SUMF1: variants seen among roughly 807,000 people sequenced by gnomAD.
SUMF1 encodes the protein sulfatase modifying factor 1, also known as formylglycine-generating enzyme.
In SUMF1, 48 loss-of-function variants were observed where a neutral mutation model predicts 47.6. That is an observed-to-expected ratio of 1.01 (90% confidence interval 0.80 to 1.28). SUMF1 has a LOEUF of 1.28. SUMF1 is among the 50% of genes most tolerant of loss of function. SUMF1 has a pLI of 0.00. For synonymous variants in SUMF1, 230 were observed against 192.1 expected (o/e 1.20, Z -1.63); for missense variants, 571 against 485.4 (o/e 1.18, Z -1.66).
chr3:4,054,177 T>A (rs1695156924), intron 9 of SUMF1, among the ~76,000 whole-genome samples: 1 of 148,482 alleles, frequency 6.7e-6, no homozygotes, highest in Non-Finnish European at 1.5e-5. Context: ...AAATAACTTT[T>A]AAATAAATGA....
chr3:4,384,773 C>T (rs1299068964), intron 7 of SUMF1, among the ~76,000 whole-genome samples: 2 of 151,984 alleles, frequency 1.3e-5, no homozygotes, highest in African/African-American at 2.4e-5. Flanking sequence ...TTGGCTATTA[C>T]GAATAAAGAT....
In SUMF1 at chr3:4,454,236, A is replaced by G. The variant is rs113163242; in HGVS notation, c.271-1187T>C. Among the ~76,000 whole-genome samples the G allele has an allele frequency of 3.2e-3, 493 of 152,320 alleles. 2 individuals carry two copies. The highest frequency in any genetic ancestry group is 0.017 in the Middle Eastern group (5 of 294). ...CATGAACTCTAAACTCCAAGAAGACAGCAATTGGGGCTGCCTTATTCACAG... is the reference window on the plus strand; with the variant it reads ...CATGAACTCTAAACTCCAAGAAGACGGCAATTGGGGCTGCCTTATTCACAG... On this transcript the variant is annotated intron_variant, in intron 1 of 8. Transcript: ENST00000272902.
intron 8 of SUMF1, among the ~76,000 whole-genome samples, chr3:4,269,540 T>C (rs1697264634): frequency 6.6e-6 from 1 of 152,212 alleles, no homozygotes; most frequent in Non-Finnish European, 1.5e-5. Context: ...CAAAGTGCCA[T>C]ATTCCAAATT....
intron 8 of SUMF1, among the ~76,000 whole-genome samples, chr3:4,089,490 T>C (rs1456948422): frequency 6.6e-6 from 1 of 152,170 alleles, no homozygotes; most frequent in Non-Finnish European, 1.5e-5. Flanking sequence ...TCAGGTCTTA[T>C]TCTTTGAAAT....
chr3:4,360,240 C>G (rs1410261517), downstream of SUMF1, among the ~76,000 whole-genome samples: 2 of 120,600 alleles, frequency 1.7e-5, no homozygotes, highest in African/African-American at 6.8e-5. Flanking sequence ...GATTAATCAT[C>G]AGTAGGTGGA....
chr3:4,406,475 G>T (rs1370206107), intron 7 of SUMF1, among the ~76,000 whole-genome samples: 2 of 151,978 alleles, frequency 1.3e-5, no homozygotes, highest in African/African-American at 4.8e-5. Context: ...AGCCAACATG[G>T]TAAAGCCCCG....
intron 8 of SUMF1, among the ~76,000 whole-genome samples, chr3:4,080,456 A>G (rs1692534869): frequency 6.6e-6 from 1 of 151,312 alleles, no homozygotes; most frequent in Non-Finnish European, 1.5e-5. Context: ...ACTTGAACCA[A>G]CTCTTCTTTT....
At position 4,122,731 on chromosome 3, in the gene SUMF1, A is replaced by G. The variant is rs887798180; in HGVS notation, c.1015-53986T>C. Among the ~76,000 whole-genome samples the G allele has an allele frequency of 3.9e-5, 6 of 152,204 alleles. No homozygotes were observed. In the South Asian group the frequency reaches 8.3e-4, roughly 21 times the overall value. ...ACTAAAATCTGTTGAGAAGGACTTA[A>G]GTGGCTGTGATGTGGTTAACTAGTA... On this transcript the variant is annotated intron_variant and NMD_transcript_variant, in intron 8 of 12. Transcript: ENST00000448413.
At chr3:4,066,489 T>C (rs1479348389) in intron 9 of SUMF1, among the ~76,000 whole-genome samples, 1 of 152,142 alleles carries the variant, frequency 6.6e-6, no homozygotes, top group African/African-American at 2.4e-5. Context: ...ATTTGTCTTA[T>C]CCGACAAACT....
chr3:4,375,145 A>G (rs945050134), intron 8 of SUMF1, among the ~76,000 whole-genome samples: 5 of 151,438 alleles, frequency 3.3e-5, no homozygotes, highest in Admixed American at 6.6e-5. Context: ...AAAAAAAAAA[A>G]AAAAAAAAAA....
intron 8 of SUMF1, among the ~76,000 whole-genome samples, chr3:4,212,119 C>T (rs896421296): frequency 1.3e-5 from 2 of 152,156 alleles, no homozygotes; most frequent in South Asian, 2.1e-4. Flanking sequence ...CCCTGACCGC[C>T]GTGTATCCTG....
Position 4,046,972 on chromosome 3 carries a change from C to T in SUMF1, c.1191+21597G>A, listed in dbSNP as rs146334117. 4.5e-4 allele frequency among the ~76,000 whole-genome samples: 68 copies of T among 152,176 alleles called. 1 individual carries two copies. The highest frequency in any genetic ancestry group is 1.4e-3 in the African/African-American group (60 of 41,516). On this transcript the variant is annotated intron_variant and NMD_transcript_variant, in intron 9 of 12. Coordinates refer to the SUMF1 transcript ENST00000448413. Reference sequence around the variant, plus strand: ...ATTTTGCCTCACCAACCTCTGTCACCGCATCGCTTACCACTAACACCCTAG... The same window carrying T: ...ATTTTGCCTCACCAACCTCTGTCACTGCATCGCTTACCACTAACACCCTAG...
chr3:4,442,651 A>G (rs543136912), intron 3 of SUMF1, among the ~76,000 whole-genome samples: 32 of 34,012 alleles, frequency 9.4e-4, no homozygotes, highest in African/African-American at 1.2e-3. Flanking sequence ...AAAAAAAAAA[A>G]AGAGAGAGAA....
chr3:4,213,476 C>G (rs894051907), intron 8 of SUMF1, among the ~76,000 whole-genome samples: 1 of 152,122 alleles, frequency 6.6e-6, no homozygotes, highest in African/African-American at 2.4e-5. Context: ...ATATAAAGAC[C>G]ATCAACACTA....
intron 8 of SUMF1, among the ~76,000 whole-genome samples, chr3:4,106,420 T>C (rs1693159720): frequency 6.6e-6 from 1 of 152,122 alleles, no homozygotes; most frequent in Non-Finnish European, 1.5e-5. Context: ...TTTTCACATA[T>C]ACCCTTCAAG....
chr3:4,157,471 C>G (rs1384225816), intron 8 of SUMF1, among the ~76,000 whole-genome samples: 2 of 151,422 alleles, frequency 1.3e-5, no homozygotes, highest in Non-Finnish European at 2.9e-5. Flanking sequence ...CTTCTTTCCC[C>G]AAAATATTTT....
At chr3:4,397,369 T>C (rs996262307) in intron 7 of SUMF1, among the ~76,000 whole-genome samples, 5 of 152,202 alleles carry the variant, frequency 3.3e-5, no homozygotes, top group African/African-American at 1.2e-4. Flanking sequence ...TGTATAAAAC[T>C]GTCAGTCCTG....
rs182539103 is a variant in SUMF1 at position 4,144,962 on chromosome 3, G to A, written c.1015-76217C>T. On this transcript the variant is annotated intron_variant and NMD_transcript_variant, in intron 8 of 12. Coordinates refer to the SUMF1 transcript ENST00000448413. ...CGCCTGTAATCCCAGCACTTTGGGAGGCCAAGGCAGGTGGATCACGAGGTC... is the reference window on the plus strand; with the variant it reads ...CGCCTGTAATCCCAGCACTTTGGGAAGCCAAGGCAGGTGGATCACGAGGTC... Among the ~76,000 whole-genome samples the A allele has an allele frequency of 4.2e-3, 640 of 152,152 alleles. 8 individuals are homozygous for A. Among genetic ancestry groups the A allele is most frequent in the African/African-American group, 0.015 (608 of 41,500 alleles).
intron 8 of SUMF1, among the ~76,000 whole-genome samples, chr3:4,340,903 C>CA (rs1410712544): frequency 6.6e-6 from 1 of 152,098 alleles, no homozygotes; most frequent in Non-Finnish European, 1.5e-5. Context: ...TATCAAGTTG[C>CA]AAATGTTTTA....
Sources: allele counts gnomAD v4.1 joint callset (sites outside exome capture counted in the v4.1 genomes callset), GRCh38; gene constraint gnomAD v4.1.1; transcripts MANE v1.5; gene names NCBI Gene and HGNC (gene_info 2026-07-23, HGNC 2026-07-21).